Variants in CNTN5 observed in about 807,000 individuals in gnomAD.
The protein encoded by CNTN5 is contactin 5.
A neutral mutation model predicts 129.1 loss-of-function variants in CNTN5; 77 were observed. The observed-to-expected ratio is 0.60, with a 90% CI of 0.50 to 0.72. The LOEUF (loss-of-function observed/expected upper bound fraction) is 0.72. Ranked by LOEUF, CNTN5 falls within the 30% of genes least tolerant of loss-of-function variation. CNTN5 has a pLI of 0.00. For synonymous variants in CNTN5, 509 were observed against 465.6 expected (o/e 1.09, Z -1.20); for missense variants, 1,478 against 1,328.8 (o/e 1.11, Z -1.75).
chr11:99,559,073 T>A (rs1352259956), intron 3 of CNTN5, among the ~76,000 whole-genome samples: 1 of 152,138 alleles, frequency 6.6e-6, no homozygotes, highest in Non-Finnish European at 1.5e-5. Flanking sequence ...TGGTTAATGC[T>A]TACACTCTAT....
rs980387473 is a variant in CNTN5, at chr11:100,250,574, G to A, written c.2006-5186G>A. On this transcript the variant is annotated intron_variant, in intron 16 of 24. Coordinates refer to ENST00000524871, the MANE Select transcript of CNTN5 (RefSeq NM_014361.4). ...TTACGTGATTATTGGGCAATTTGTT[G>A]TTTACAATGGTTTATAATTATAAAT... is the stretch of plus-strand genomic sequence containing the variant. 3.3e-5 allele frequency among the ~76,000 whole-genome samples: 5 copies of A among 151,954 alleles called. No homozygotes were observed. In the East Asian group the frequency reaches 7.7e-4, roughly 23 times the overall value.
At chr11:100,154,140 G>A (rs1477305738) in intron 13 of CNTN5, among the ~76,000 whole-genome samples, 3 of 152,038 alleles carry the variant, frequency 2.0e-5, no homozygotes, top group African/African-American at 4.8e-5. Context: ...TGTGTGTGAT[G>A]TTCCCCACTT....
intron 6 of CNTN5, among the ~76,000 whole-genome samples, chr11:99,872,952 G>T (rs1490170442): frequency 1.3e-5 from 2 of 152,048 alleles, no homozygotes; most frequent in Non-Finnish European, 2.9e-5. Context: ...ATGTGGCTGA[G>T]ACTAATAACA....
chr11:100,053,870 C>T lies in CNTN5; in HGVS notation c.981-7342C>T, dbSNP rs139968227. On this transcript the variant is annotated intron_variant, in intron 9 of 24. Transcript: ENST00000524871. The stretch of plus-strand genomic sequence containing the variant: ...CATATCCATATATCGATATACTCCT[C>T]GGCGATTAAAAGGAATTAACTACCG... Among the ~76,000 whole-genome samples, 14 of 151,790 alleles carry T rather than the reference C, an allele frequency of 9.2e-5. No individual in the cohort carries two copies. In the East Asian group the frequency reaches 1.7e-3, roughly 19 times the overall value.
At chr11:99,521,346 T>C (rs966407180) in intron 2 of CNTN5, among the ~76,000 whole-genome samples, 44 of 152,220 alleles carry the variant, frequency 2.9e-4, no homozygotes, top group African/African-American at 1.0e-3. Flanking sequence ...AGTATCTAGG[T>C]GTAAAATAGA....
chr11:99,745,576 A>G (rs1032180988), intron 3 of CNTN5, among the ~76,000 whole-genome samples: 10 of 152,198 alleles, frequency 6.6e-5, no homozygotes, highest in Non-Finnish European at 1.5e-4. Flanking sequence ...TCTCTGTTAA[A>G]AGGATTTTAT....
chr11:99,743,127 G>A (rs965736171), intron 3 of CNTN5, among the ~76,000 whole-genome samples: 1 of 152,134 alleles, frequency 6.6e-6, no homozygotes, highest in African/African-American at 2.4e-5. Flanking sequence ...AAGGAAGGAG[G>A]AGGAGAGAGA....
At chr11:99,945,866 T>C (rs972993496) in intron 7 of CNTN5, among the ~76,000 whole-genome samples, 3 of 152,048 alleles carry the variant, frequency 2.0e-5, no homozygotes, top group Non-Finnish European at 4.4e-5. Flanking sequence ...TAATACACAT[T>C]TCATGTCACT....
At chr11:100,151,252 A>C (rs1342090893) in intron 13 of CNTN5, among the ~76,000 whole-genome samples, 1 of 152,184 alleles carries the variant, frequency 6.6e-6, no homozygotes, top group Non-Finnish European at 1.5e-5. Context: ...AGTGGAGTTC[A>C]TGGTATGTAT....
intron 2 of CNTN5, among the ~76,000 whole-genome samples, chr11:99,401,461 A>G (rs4522134): frequency 0.12 from 18,566 of 152,072 alleles, 1,233 homozygotes; most frequent in Non-Finnish European, 0.16. Context: ...TGCCAGTACA[A>G]TATCATGTTA....
chr11:99,929,525 T>G (rs561180294), intron 7 of CNTN5, among the ~76,000 whole-genome samples: 1 of 152,294 alleles, frequency 6.6e-6, no homozygotes, highest in East Asian at 1.9e-4. Context: ...TCTGCAGGGC[T>G]GGGGAGGCCT....
intron 1 of CNTN5, among the ~76,000 whole-genome samples, chr11:99,118,837 T>A (rs996113027): frequency 4.0e-5 from 6 of 151,862 alleles, no homozygotes; most frequent in Non-Finnish European, 8.8e-5. Context: ...CAGAATAATT[T>A]AGGTATAATT....
chr11:99,222,008 T>A (rs1008993652), intron 1 of CNTN5, among the ~76,000 whole-genome samples: 2 of 151,966 alleles, frequency 1.3e-5, no homozygotes, highest in African/African-American at 4.8e-5. Flanking sequence ...TACACATACT[T>A]TTTTTGTCTT....
intron 3 of CNTN5, among the ~76,000 whole-genome samples, chr11:99,798,054 C>G (rs1306350311): frequency 6.6e-6 from 1 of 152,042 alleles, no homozygotes; most frequent in Non-Finnish European, 1.5e-5. Flanking sequence ...GATTTTGTCA[C>G]TCATGTATTA....
chr11:99,857,072 C>G (rs1948063009), intron 6 of CNTN5, among the ~76,000 whole-genome samples: 1 of 151,146 alleles, frequency 6.6e-6, no homozygotes, highest in African/African-American at 2.4e-5. Flanking sequence ...CCCTCCCTCC[C>G]TCTCTTCCTC....
intron 9 of CNTN5, among the ~76,000 whole-genome samples, chr11:100,029,063 TAGAGAG>T (rs369938491): frequency 6.7e-6 from 1 of 149,154 alleles, no homozygotes; most frequent in Admixed American, 6.7e-5. Flanking sequence ...CGTTAGAAGA[TAGAGAG>T]AGAGAGAGAG....
chr11:100,207,336 G>A (rs1948938474), intron 15 of CNTN5, among the ~76,000 whole-genome samples: 1 of 152,064 alleles, frequency 6.6e-6, no homozygotes, highest in African/African-American at 2.4e-5. Context: ...ACTAGCATAA[G>A]CTAAGGTAAT....
intron 15 of CNTN5, among the ~76,000 whole-genome samples, chr11:100,198,160 T>A (rs2138535795): frequency 6.6e-6 from 1 of 151,912 alleles, no homozygotes; most frequent in East Asian, 1.9e-4. Flanking sequence ...CTGTGAGAAA[T>A]AAAAATAAAA....
intron 15 of CNTN5, among the ~76,000 whole-genome samples, chr11:100,195,771 T>C (rs537941934): frequency 4.3e-4 from 66 of 152,074 alleles, no homozygotes; most frequent in African/African-American, 1.3e-3. Context: ...CTTCAAACAC[T>C]GAGTCTTGGT....
Sources: gnomAD v4.1 joint callset for allele counts (sites outside exome capture counted in the v4.1 genomes callset) on GRCh38, gnomAD v4.1.1 for gene constraint, MANE v1.5 for transcripts, NCBI Gene and HGNC (gene_info 2026-07-23, HGNC 2026-07-21) for gene names.